EPHA6: variants seen among roughly 807,000 people sequenced by gnomAD.
EPHA6 encodes the protein ephrin type-A receptor 6.
EPHA6 carries 50 observed loss-of-function variants against 112.0 expected under a neutral mutation model. The ratio of observed to expected loss-of-function variants is 0.45; its 90% confidence interval spans 0.36 to 0.56. EPHA6 has a LOEUF of 0.56. Ranked by LOEUF, EPHA6 falls within the 20% of genes least tolerant of loss-of-function variation. EPHA6 has a pLI of 0.00. For synonymous variants in EPHA6, 529 were observed against 490.7 expected, an observed-to-expected ratio of 1.08 and a Z score of -1.03; for missense variants, 1,280 against 1,417.4, an observed-to-expected ratio of 0.90 and a Z score of 1.56.
At chr3:97,475,484 T>A in intron 8 of EPHA6, 24 bp downstream of exon 8, 2 of 1,506,526 alleles carry the variant, frequency 1.3e-6, no homozygotes, top group Non-Finnish European at 9.2e-7. Flanking sequence ...ACCATACTAT[T>A]TCCGAGATTT....
intron 10 of EPHA6, among the ~76,000 whole-genome samples, chr3:97,498,777 C>A (rs1261614201): frequency 6.6e-6 from 1 of 152,140 alleles, no homozygotes; most frequent in Non-Finnish European, 1.5e-5. Context: ...TGTGAGGGAC[C>A]TAGGTTGCGT....
chr3:97,108,528 G>A lies in EPHA6; in HGVS notation c.1115-117736G>A, dbSNP rs548548191. On this transcript the variant is annotated intron_variant, in intron 3 of 17. Transcript: ENST00000389672. ...CATAAGAAAAGAACACAATACTTAC[G>A]TCAAAATGTTTGTGTAATGCTTCAT... 1.5e-3 allele frequency among the ~76,000 whole-genome samples: 234 copies of A among 152,184 alleles called. 1 individual carries two copies. The highest frequency in any genetic ancestry group is 2.1e-3 in the Non-Finnish European group (142 of 68,004).
At chr3:97,732,421 C>T (rs2129258) in intron 15 of EPHA6, among the ~76,000 whole-genome samples, 149,237 of 152,016 alleles carry the variant, frequency 0.98, 73,275 homozygotes, top group East Asian at 0.99. Context: ...TCCCTGGTCA[C>T]TCTCAATAGT....
At chr3:97,678,443 C>T (rs924128341) in intron 14 of EPHA6, among the ~76,000 whole-genome samples, 1 of 152,170 alleles carries the variant, frequency 6.6e-6, no homozygotes, top group Admixed American at 6.6e-5. Flanking sequence ...AGAAGACGAG[C>T]GCTTCCTGTG....
At chr3:97,706,000 G>C (rs77848409) in intron 14 of EPHA6, among the ~76,000 whole-genome samples, 318 of 152,214 alleles carry the variant, frequency 2.1e-3, no homozygotes, top group African/African-American at 7.2e-3. Context: ...ACTTAAACCT[G>C]AGCAAAACAA....
intron 3 of EPHA6, among the ~76,000 whole-genome samples, chr3:97,186,937 C>T (rs1224361729): frequency 1.3e-5 from 2 of 152,010 alleles, no homozygotes; most frequent in Non-Finnish European, 2.9e-5. Flanking sequence ...GCCATTTTTC[C>T]AGCTCTAATA....
At chr3:97,678,439 C>T (rs944159332) in intron 14 of EPHA6, among the ~76,000 whole-genome samples, 7 of 152,188 alleles carry the variant, frequency 4.6e-5, no homozygotes, top group East Asian at 1.9e-4. Context: ...ACCCAGAAGA[C>T]GAGCGCTTCC....
intron 14 of EPHA6, among the ~76,000 whole-genome samples, chr3:97,711,965 T>C (rs1328122369): frequency 1.3e-5 from 2 of 152,198 alleles, no homozygotes; most frequent in Non-Finnish European, 2.9e-5. Flanking sequence ...TCTTTAATGT[T>C]ACACATCAAA....
intron 5 of EPHA6, among the ~76,000 whole-genome samples, chr3:97,340,355 G>T (rs1004216900): frequency 6.6e-6 from 1 of 152,196 alleles, no homozygotes; most frequent in Non-Finnish European, 1.5e-5. Context: ...AAGTGACAGG[G>T]TGAGTGAGGA....
chr3:96,927,373 A>G (rs1052534117), intron 2 of EPHA6, among the ~76,000 whole-genome samples: 1 of 152,206 alleles, frequency 6.6e-6, no homozygotes. Flanking sequence ...ATTGTCTCAG[A>G]TATTAACATT....
intron 3 of EPHA6, among the ~76,000 whole-genome samples, chr3:97,177,021 G>A (rs1431155125): frequency 1.3e-5 from 2 of 151,706 alleles, no homozygotes; most frequent in Non-Finnish European, 2.9e-5. Flanking sequence ...GGCACTTGTA[G>A]CTATAAATTT....
At chr3:97,412,203 G>T (rs573484235) in intron 6 of EPHA6, among the ~76,000 whole-genome samples, 1 of 152,154 alleles carries the variant, frequency 6.6e-6, no homozygotes, top group Non-Finnish European at 1.5e-5. Flanking sequence ...CTTTCCTACT[G>T]CTCAGAGGGC....
rs115233604 is a variant in EPHA6 at position 96,905,925 on chromosome 3, G to A, written c.450+39036G>A. ...CATTGTAAGTACATACATAAACAAT[G>A]CAGGTATATGTATGTGCATGTGCTC... On this transcript the variant is annotated intron_variant, in intron 2 of 17. Transcript: ENST00000389672. 4.5e-3 allele frequency among the ~76,000 whole-genome samples: 683 copies of A among 152,054 alleles called. 2 individuals carry two copies. Among genetic ancestry groups the A allele is most frequent in the Non-Finnish European group, 7.2e-3 (491 of 67,952 alleles).
intron 14 of EPHA6, among the ~76,000 whole-genome samples, chr3:97,698,074 C>G (rs2033148816): frequency 6.6e-6 from 1 of 152,212 alleles, no homozygotes. Context: ...ACAATCTTGA[C>G]TCACCACAAC....
At chr3:96,823,474 C>T (rs986535374) in intron 1 of EPHA6, among the ~76,000 whole-genome samples, 20 of 151,618 alleles carry the variant, frequency 1.3e-4, no homozygotes, top group African/African-American at 2.9e-4. Flanking sequence ...GACAAACAAT[C>T]TTAGCTAAAA....
intron 3 of EPHA6, among the ~76,000 whole-genome samples, chr3:97,107,548 G>A (rs919648370): frequency 6.6e-6 from 1 of 152,100 alleles, no homozygotes; most frequent in African/African-American, 2.4e-5. Flanking sequence ...CATGAAGATA[G>A]CTATTCGTAA....
chr3:96,984,402 G>A (rs911846463), intron 2 of EPHA6, among the ~76,000 whole-genome samples: 1 of 152,150 alleles, frequency 6.6e-6, no homozygotes, highest in Non-Finnish European at 1.5e-5. Flanking sequence ...CTGCCTGATT[G>A]TTCCTCTGGA....
At chr3:97,659,134 G>C (rs1239063562) in intron 14 of EPHA6, among the ~76,000 whole-genome samples, 1 of 151,934 alleles carries the variant, frequency 6.6e-6, no homozygotes, top group Non-Finnish European at 1.5e-5. Flanking sequence ...GACTTAAATT[G>C]GGATTCCCAT....
chr3:97,113,516 C>A (rs2047786477), intron 3 of EPHA6, among the ~76,000 whole-genome samples: 1 of 152,116 alleles, frequency 6.6e-6, no homozygotes, highest in Non-Finnish European at 1.5e-5. Context: ...GAACAGCCCC[C>A]ACTTTGGTCA....
Sources: allele counts gnomAD v4.1 joint callset (sites outside exome capture counted in the v4.1 genomes callset), GRCh38; gene constraint gnomAD v4.1.1; transcripts MANE v1.5; gene names NCBI Gene and HGNC (gene_info 2026-07-23, HGNC 2026-07-21).